WDPCP: variants seen among roughly 807,000 people sequenced by gnomAD.
WDPCP encodes the protein WD repeat containing planar cell polarity effector, also known as WD repeat-containing and planar cell polarity effector protein fritz homolog.
Under a neutral mutation model 93.1 loss-of-function variants are expected in WDPCP, and 71 were observed. That is an observed-to-expected ratio of 0.76 (90% CI 0.63 to 0.93). WDPCP has a LOEUF of 0.93. Among genes scored for constraint, WDPCP ranks in the 40% least tolerant of loss-of-function variants. The pLI is 0.00. For synonymous variants in WDPCP, 315 were observed against 315.0 expected (o/e 1.00, Z 0.00); for missense variants, 844 against 887.4 (o/e 0.95, Z 0.62).
chr2:63,483,655 C>T (rs1700399107), intron 6 of WDPCP, among the ~76,000 whole-genome samples: 1 of 151,814 alleles, frequency 6.6e-6, no homozygotes, highest in Non-Finnish European at 1.5e-5. Flanking sequence ...GCCTAAACTA[C>T]AAACAAGAAT....
At chr2:63,574,966 T>C (rs1206415494) in intron 1 of WDPCP, among the ~76,000 whole-genome samples, 1 of 152,168 alleles carries the variant, frequency 6.6e-6, no homozygotes, top group African/African-American at 2.4e-5. Flanking sequence ...TTAAATATAA[T>C]CTTTGACAAA....
At chr2:63,329,007 C>T (rs1377352541) in intron 12 of WDPCP, among the ~76,000 whole-genome samples, 1 of 152,172 alleles carries the variant, frequency 6.6e-6, no homozygotes, top group Middle Eastern at 3.2e-3. Flanking sequence ...AGGCGTGAGC[C>T]ACCATGCCTG....
intron 12 of WDPCP, among the ~76,000 whole-genome samples, chr2:63,315,528 G>C (rs1370737540): frequency 6.6e-6 from 1 of 151,686 alleles, no homozygotes; most frequent in East Asian, 1.9e-4. Context: ...AGAAAACAAG[G>C]CACTATAACT....
chr2:63,510,418 G>A (rs1702157346), intron 1 of WDPCP, among the ~76,000 whole-genome samples: 1 of 152,092 alleles, frequency 6.6e-6, no homozygotes, highest in Non-Finnish European at 1.5e-5. Context: ...ACTAGGTATT[G>A]GTGAAACACA....
At chr2:63,398,049 A>G (rs1693872135) in intron 10 of WDPCP, among the ~76,000 whole-genome samples, 1 of 152,186 alleles carries the variant, frequency 6.6e-6, no homozygotes, top group Non-Finnish European at 1.5e-5. Context: ...CAGAGCAAAT[A>G]GTGGTGGCGC....
chr2:63,256,095 A>C (rs1681119037), intron 14 of WDPCP, among the ~76,000 whole-genome samples: 1 of 152,186 alleles, frequency 6.6e-6, no homozygotes, highest in South Asian at 2.1e-4. Flanking sequence ...TAAAGAAATA[A>C]ATTCAGCCCA....
chr2:63,392,591 G>A (rs1693358301), intron 10 of WDPCP, among the ~76,000 whole-genome samples: 2 of 152,148 alleles, frequency 1.3e-5, no homozygotes, highest in Non-Finnish European at 2.9e-5. Flanking sequence ...CCATTAGAGT[G>A]AACAGGCAAC....
intron 1 of WDPCP, among the ~76,000 whole-genome samples, chr2:63,550,756 TATAC>T (rs1705563803): frequency 7.1e-6 from 1 of 141,044 alleles, no homozygotes; most frequent in African/African-American, 2.7e-5. Flanking sequence ...TGTGTATATA[TATAC>T]ACATATATAT....
intron 2 of WDPCP, among the ~76,000 whole-genome samples, chr2:63,784,740 C>T (rs1172497787): frequency 1.3e-5 from 2 of 152,094 alleles, no homozygotes; most frequent in Non-Finnish European, 2.9e-5. Flanking sequence ...TGATTATATT[C>T]TTATAAATTT....
chr2:63,385,444 G>A (rs551350759), intron 10 of WDPCP, among the ~76,000 whole-genome samples: 2 of 152,152 alleles, frequency 1.3e-5, no homozygotes, highest in Non-Finnish European at 2.9e-5. Context: ...AGGATACATA[G>A]TCAATATTTT....
At chr2:63,369,856 T>G (rs930330761) in intron 12 of WDPCP, among the ~76,000 whole-genome samples, 1 of 152,194 alleles carries the variant, frequency 6.6e-6, no homozygotes, top group Non-Finnish European at 1.5e-5. Flanking sequence ...ATACCATTCA[T>G]AATTTAGAAT....
chr2:63,437,681 C>G, intron 7 of WDPCP, 127 bp from the exon 8 acceptor site: 1 of 1,033,754 alleles, frequency 9.7e-7, no homozygotes, highest in Non-Finnish European at 1.4e-6. Context: ...TCTTGAATAT[C>G]ATTATAGCAT....
At chr2:63,181,042 T>C (rs999118720) in intron 14 of WDPCP, among the ~76,000 whole-genome samples, 18 of 152,104 alleles carry the variant, frequency 1.2e-4, no homozygotes, top group Admixed American at 3.9e-4. Context: ...GATGAGAAAA[T>C]ATTTATGTTC....
At chr2:63,818,804 T>G (rs1649008024) in intron 1 of WDPCP, among the ~76,000 whole-genome samples, 1 of 152,112 alleles carries the variant, frequency 6.6e-6, no homozygotes, top group South Asian at 2.1e-4. Context: ...AAAAAGTGAT[T>G]AAACAATTAT....
At chr2:63,327,291 CA>C (rs1687631713) in intron 12 of WDPCP, among the ~76,000 whole-genome samples, 1 of 152,142 alleles carries the variant, frequency 6.6e-6, no homozygotes, top group Non-Finnish European at 1.5e-5. Flanking sequence ...AGGAAGGAGC[CA>C]TCTATACCAA....
intron 14 of WDPCP, among the ~76,000 whole-genome samples, chr2:63,221,089 A>T (rs1202946341): frequency 6.6e-6 from 1 of 152,052 alleles, no homozygotes; most frequent in Admixed American, 6.5e-5. Flanking sequence ...CATTTTCTTT[A>T]TCCAGTCTAT....
rs953965189 is a variant in WDPCP, at chr2:63,588,310, G to A, written c.-39C>T. On this transcript the variant is annotated 5_prime_UTR_variant, in exon 1 of 18. Transcript: ENST00000272321. ...CCCGGGCAGAAGGTTCCTAGGCTAGGTCCTCGGACCCGAGAGGGAGCGACA... is the reference window on the plus strand; with the variant it reads ...CCCGGGCAGAAGGTTCCTAGGCTAGATCCTCGGACCCGAGAGGGAGCGACA... 1.9e-6 allele frequency: 3 copies of A among 1,556,436 alleles called. No individual in the cohort carries two copies. The highest frequency in any genetic ancestry group is 1.7e-6 in the Non-Finnish European group (2 of 1,148,154).
intron 13 of WDPCP, among the ~76,000 whole-genome samples, chr2:63,263,912 C>T (rs1358889294): frequency 6.6e-6 from 1 of 152,140 alleles, no homozygotes; most frequent in African/African-American, 2.4e-5. Flanking sequence ...AATCATTCTG[C>T]AAATAACTAT....
intron 1 of WDPCP, among the ~76,000 whole-genome samples, chr2:63,538,243 ATAT>A (rs1181448156): frequency 6.6e-6 from 1 of 152,182 alleles, no homozygotes; most frequent in Non-Finnish European, 1.5e-5. Flanking sequence ...ACTGTCAGCA[ATAT>A]TATTAAAAAT....
Sources: allele counts gnomAD v4.1 joint callset (sites outside exome capture counted in the v4.1 genomes callset), GRCh38; gene constraint gnomAD v4.1.1; transcripts MANE v1.5; gene names NCBI Gene and HGNC (gene_info 2026-07-23, HGNC 2026-07-21).